Variants in REDIC1 observed in about 807,000 individuals in gnomAD.
REDIC1 encodes the protein regulator of DNA class I crossover intermediates 1, also known as HEI10 Interacting Protein 1.
the REDIC1 span, among the ~76,000 whole-genome samples, chr12:39,738,348 T>C: frequency 6.6e-6 from 1 of 152,210 alleles, no homozygotes; most frequent in Non-Finnish European, 1.5e-5. Flanking sequence ...CTTTTAAGAA[T>C]TTTTATTCAT....
At chr12:39,769,658 T>A in the REDIC1 span, among the ~76,000 whole-genome samples, 2 of 151,950 alleles carry the variant, frequency 1.3e-5, no homozygotes, top group Non-Finnish European at 2.9e-5. Context: ...GGGGTCACGT[T>A]CCATCAATAT....
the REDIC1 span, among the ~76,000 whole-genome samples, chr12:39,786,150 C>T: frequency 6.6e-6 from 1 of 151,982 alleles, no homozygotes; most frequent in Admixed American, 6.6e-5. Context: ...TGGCTTTGTC[C>T]CCACCCAAAT....
At chr12:39,893,652 TA>T in the REDIC1 span, among the ~76,000 whole-genome samples, 4 of 152,194 alleles carry the variant, frequency 2.6e-5, no homozygotes, top group African/African-American at 7.2e-5. Flanking sequence ...AAAAGTAAGA[TA>T]AAAGTTAAAT....
the REDIC1 span, among the ~76,000 whole-genome samples, chr12:39,844,667 C>A: frequency 0.013 from 1,935 of 152,142 alleles, 51 homozygotes; most frequent in African/African-American, 0.044. Context: ...GATTTATAGT[C>A]ATACACTCAG....
At chr12:39,654,449 G>T in the REDIC1 span, among the ~76,000 whole-genome samples, 1 of 152,070 alleles carries the variant, frequency 6.6e-6, no homozygotes, top group Non-Finnish European at 1.5e-5. Flanking sequence ...TTAGTCCGGT[G>T]TGGTGGCGGG....
chr12:39,849,993 T>C, the REDIC1 span, among the ~76,000 whole-genome samples: 1 of 152,200 alleles, frequency 6.6e-6, no homozygotes, highest in African/African-American at 2.4e-5. Flanking sequence ...GGATTCTGTG[T>C]CTTTCCTCAT....
chr12:39,904,528 ACT>A, the REDIC1 span, among the ~76,000 whole-genome samples: 1 of 152,004 alleles, frequency 6.6e-6, no homozygotes, highest in Non-Finnish European at 1.5e-5. Context: ...AACTTAGGAC[ACT>A]CTCTCTTTCA....
the REDIC1 span, among the ~76,000 whole-genome samples, chr12:39,710,501 C>T: frequency 4.0e-5 from 6 of 151,768 alleles, no homozygotes; most frequent in South Asian, 6.2e-4. Flanking sequence ...CTCTTTAATT[C>T]ATCCTTAGGT....
chr12:39,702,761 G>A, the REDIC1 span, among the ~76,000 whole-genome samples: 1 of 152,086 alleles, frequency 6.6e-6, no homozygotes, highest in Non-Finnish European at 1.5e-5. Context: ...TCATCCCTGG[G>A]ATGCAAGGCT....
chr12:39,895,839 C>T, the REDIC1 span, among the ~76,000 whole-genome samples: 14,024 of 21,628 alleles, frequency 0.65, 5,873 homozygotes, highest in East Asian at 0.85. Context: ...CGTGTATATG[C>T]ACACACATAT....
chr12:39,868,018 C>G, the REDIC1 span, among the ~76,000 whole-genome samples: 1 of 152,170 alleles, frequency 6.6e-6, no homozygotes, highest in Non-Finnish European at 1.5e-5. Flanking sequence ...ACTATTAAAG[C>G]ATAAAACAAC....
the REDIC1 span, among the ~76,000 whole-genome samples, chr12:39,652,693 T>A: frequency 6.6e-6 from 1 of 152,176 alleles, no homozygotes; most frequent in Non-Finnish European, 1.5e-5. Flanking sequence ...TTCTGTTTTA[T>A]ACTTTTAGAT....
At chr12:39,784,103 T>C in the REDIC1 span, among the ~76,000 whole-genome samples, 1 of 152,230 alleles carries the variant, frequency 6.6e-6, no homozygotes, top group African/African-American at 2.4e-5. Context: ...GAACATTCCA[T>C]GCTCATGGAT....
chr12:39,769,263 T>C, the REDIC1 span, among the ~76,000 whole-genome samples: 1 of 152,152 alleles, frequency 6.6e-6, no homozygotes, highest in Non-Finnish European at 1.5e-5. Flanking sequence ...TATCTTGTAA[T>C]CCTGAAATCT....
At chr12:39,893,598 G>C in the REDIC1 span, among the ~76,000 whole-genome samples, 1 of 152,180 alleles carries the variant, frequency 6.6e-6, no homozygotes, top group Non-Finnish European at 1.5e-5. Context: ...ACCACGCCAG[G>C]CCTACCGCTC....
At chr12:39,704,527 A>T in the REDIC1 span, among the ~76,000 whole-genome samples, 1 of 152,188 alleles carries the variant, frequency 6.6e-6, no homozygotes, top group Non-Finnish European at 1.5e-5. Context: ...TTCCTCAGGG[A>T]TCTAGAACTA....
the REDIC1 span, among the ~76,000 whole-genome samples, chr12:39,817,037 GA>G: frequency 8.7e-5 from 13 of 148,880 alleles, no homozygotes; most frequent in South Asian, 1.3e-3. Flanking sequence ...TGCCTTGAGG[GA>G]AAAAAAAAAT....
At chr12:39,711,522 T>C in the REDIC1 span, among the ~76,000 whole-genome samples, 55 of 137,060 alleles carry the variant, frequency 4.0e-4, 2 homozygotes, top group South Asian at 0.012. Flanking sequence ...TATATATGTG[T>C]ATATGTGTAT....
chr12:39,712,463 C>CATATAT, the REDIC1 span, among the ~76,000 whole-genome samples: 1 of 105,326 alleles, frequency 9.5e-6, no homozygotes, highest in Non-Finnish European at 2.0e-5. Flanking sequence ...CGTATATATA[C>CATATAT]GTATGTATAT....
Sources: gnomAD v4.1 joint callset for allele counts (sites outside exome capture counted in the v4.1 genomes callset) on GRCh38, gnomAD v4.1.1 for gene constraint, MANE v1.5 for transcripts, NCBI Gene and HGNC (gene_info 2026-07-23, HGNC 2026-07-21) for gene names.